Variants in SAXO1 observed in about 807,000 individuals in gnomAD.
SAXO1 encodes the protein 4930500O09Rik.
A neutral mutation model predicts 17.5 loss-of-function variants in SAXO1; 21 were observed. That is an observed-to-expected ratio of 1.20 (90% CI 0.85 to 1.72). The LOEUF (loss-of-function observed/expected upper bound fraction) is 1.72, where lower values mean the gene tolerates loss of function less well. SAXO1 is among the 40% of genes most tolerant of loss of function. The pLI is 0.00. For missense variants in SAXO1, 843 were observed against 596.0 expected (o/e 1.41, Z -4.32); for synonymous variants, 274 against 216.5 (o/e 1.27, Z -2.33).
At position 19,044,686 on chromosome 9, in the gene SAXO1, C is replaced by A. The variant is rs12342647; in HGVS notation, c.-158+4523G>T. ...GACCATCCTGGCTAACACGGTGAAA[C>A]CCCGTCTCTACTAAAAATACAAAAA... is the stretch of plus-strand genomic sequence containing the variant. On this transcript the variant is annotated intron_variant, in intron 1 of 3. Transcript: ENST00000542071. 9.1e-3 allele frequency among the ~76,000 whole-genome samples: 1,380 copies of A among 151,926 alleles called. 10 individuals are homozygous for A. Among genetic ancestry groups the A allele is most frequent in the South Asian group, 0.023 (112 of 4,804 alleles).
intron 1 of SAXO1, among the ~76,000 whole-genome samples, chr9:18,988,719 A>T (rs1833691568): frequency 6.6e-6 from 1 of 152,204 alleles, no homozygotes; most frequent in South Asian, 2.1e-4. Flanking sequence ...ACAGTGATGT[A>T]AATTGCTGTA....
intron 1 of SAXO1, among the ~76,000 whole-genome samples, chr9:18,983,294 C>A (rs749813554): frequency 6.6e-6 from 1 of 151,966 alleles, no homozygotes; most frequent in African/African-American, 2.4e-5. Flanking sequence ...GGAGACAGAG[C>A]GAGGGGGTAA....
At chr9:18,931,452 A>G (rs1426471834) in intron 3 of SAXO1, among the ~76,000 whole-genome samples, 1 of 152,196 alleles carries the variant, frequency 6.6e-6, no homozygotes, top group Non-Finnish European at 1.5e-5. Context: ...GGCTATTATA[A>G]AGAAATTCTG....
intron 1 of SAXO1, among the ~76,000 whole-genome samples, chr9:19,008,079 C>A (rs1427653361): frequency 6.6e-6 from 1 of 151,874 alleles, no homozygotes; most frequent in Non-Finnish European, 1.5e-5. Context: ...GCCATCCACT[C>A]ACCTCAGCCT....
At chr9:18,965,739 T>A (rs947781368) in intron 1 of SAXO1, among the ~76,000 whole-genome samples, 2 of 152,210 alleles carry the variant, frequency 1.3e-5, no homozygotes, top group African/African-American at 2.4e-5. Context: ...ATTTAGCCCA[T>A]TTACATTTAA....
chr9:18,967,455 G>A (rs979535788), intron 1 of SAXO1, among the ~76,000 whole-genome samples: 4 of 152,220 alleles, frequency 2.6e-5, no homozygotes, highest in African/African-American at 7.2e-5. Flanking sequence ...CAGAGAGGAG[G>A]AATCTAGAGA....
chr9:18,946,700 T>C (rs1028321793), intron 2 of SAXO1, among the ~76,000 whole-genome samples: 1 of 152,022 alleles, frequency 6.6e-6, no homozygotes, highest in Admixed American at 6.6e-5. Flanking sequence ...GACATTGGAA[T>C]TAGCAGATAA....
chr9:18,939,125 A>G (rs1417243111), intron 3 of SAXO1, among the ~76,000 whole-genome samples: 1 of 152,080 alleles, frequency 6.6e-6, no homozygotes, highest in Non-Finnish European at 1.5e-5. Flanking sequence ...CGAGTCCGCC[A>G]TCGGATATGC....
intron 1 of SAXO1, among the ~76,000 whole-genome samples, chr9:19,046,625 C>A (rs10963929): frequency 0.11 from 16,376 of 152,004 alleles, 964 homozygotes; most frequent in Non-Finnish European, 0.12. Context: ...TCGCTTGAAC[C>A]CGGCAGGCAG....
intron 2 of SAXO1, among the ~76,000 whole-genome samples, chr9:18,945,924 G>A (rs1417343250): frequency 1.3e-5 from 2 of 152,124 alleles, no homozygotes; most frequent in African/African-American, 4.8e-5. Flanking sequence ...TCCAGTCTGT[G>A]CAAGGGAGGG....
rs764618867 is a variant in SAXO1, at chr9:18,928,362, G to C, written c.1115C>G (p.Thr372Ser). The C allele has an allele frequency of 6.2e-7, 1 of 1,613,436 alleles. No homozygotes were observed. Among genetic ancestry groups the C allele is most frequent in the Non-Finnish European group, 8.5e-7 (1 of 1,179,722 alleles). ...GGGCACATAGTGGGCCCGAGTGGTG[G>C]TCAGGCAGTCCAGGGGCTCGGTGGG... ...DLPTEPLDCL[T>S]TTRAHYVPHL... Residue 372 changes from threonine to serine, a missense_variant, in exon 4 of 4, where the codon ACC becomes AGC. Transcript: ENST00000380534.
chr9:19,038,150 C>G (rs916917082), upstream of SAXO1, among the ~76,000 whole-genome samples: 2 of 152,218 alleles, frequency 1.3e-5, no homozygotes, highest in Non-Finnish European at 2.9e-5. Flanking sequence ...CACTTTTACA[C>G]TGTTGGTGGG....
intron 1 of SAXO1, among the ~76,000 whole-genome samples, chr9:19,025,113 T>G (rs913310631): frequency 2.6e-5 from 4 of 152,232 alleles, no homozygotes; most frequent in Non-Finnish European, 5.9e-5. Flanking sequence ...AAGGCCATTT[T>G]TAAGGAGCAT....
At chr9:18,950,288 ACAG>A (rs35965426) in intron 2 of SAXO1, among the ~76,000 whole-genome samples, 120,056 of 151,780 alleles carry the variant, frequency 0.79, 47,764 homozygotes, top group African/African-American at 0.88. Context: ...TTCAAAATTT[ACAG>A]CAGCATAATT....
intron 2 of SAXO1, among the ~76,000 whole-genome samples, chr9:18,945,586 C>A (rs1383808075): frequency 2.6e-5 from 4 of 152,172 alleles, no homozygotes; most frequent in Non-Finnish European, 5.9e-5. Flanking sequence ...TTGATTCATG[C>A]CCCTGGTCCT....
intron 1 of SAXO1, among the ~76,000 whole-genome samples, chr9:19,042,578 G>A (rs1836102753): frequency 6.6e-6 from 1 of 152,200 alleles, no homozygotes; most frequent in South Asian, 2.1e-4. Context: ...TATAGAAAAT[G>A]TGGGCCAGGT....
intron 1 of SAXO1, among the ~76,000 whole-genome samples, chr9:18,953,464 C>T (rs1832120649): frequency 6.6e-6 from 1 of 152,216 alleles, no homozygotes; most frequent in African/African-American, 2.4e-5. Flanking sequence ...ACTGATGTTC[C>T]ATTAAATGGA....
rs903699045 is a variant in SAXO1 at position 18,974,661 on chromosome 9, T to C, written c.39-23724A>G. On this transcript the variant is annotated intron_variant, in intron 1 of 3. Coordinates refer to ENST00000380534, the MANE Select transcript of SAXO1 (RefSeq NM_153707.4). ...AATAAATGATGATAGTAATAGGTTA[T>C]AACCCACTGAACAAAACAGATCAAT... Among the ~76,000 whole-genome samples the C allele has an allele frequency of 3.3e-5, 5 of 152,214 alleles. No individual in the cohort carries two copies. In the East Asian group the frequency reaches 9.6e-4, roughly 29 times the overall value.
chr9:18,968,740 C>A (rs748135081), intron 1 of SAXO1, among the ~76,000 whole-genome samples: 21 of 152,004 alleles, frequency 1.4e-4, no homozygotes, highest in Admixed American at 1.4e-3. Flanking sequence ...ATTACAGGCA[C>A]ACGCCACTAC....
Sources: gnomAD v4.1 joint callset for allele counts (sites outside exome capture counted in the v4.1 genomes callset) on GRCh38, gnomAD v4.1.1 for gene constraint, MANE v1.5 for transcripts, NCBI Gene and HGNC (gene_info 2026-07-23, HGNC 2026-07-21) for gene names.